The following LPAR6 variants were observed in gnomAD, a reference collection of about 807,000 sequenced individuals.
LPAR6 encodes the protein lysophosphatidic acid receptor 6, also known as G-protein coupled purinergic receptor P2Y5.
A neutral mutation model predicts 22.0 loss-of-function variants in LPAR6; 17 were observed. The ratio of observed to expected loss-of-function variants is 0.77; its 90% CI spans 0.53 to 1.16. The LOEUF is 1.16. LPAR6 is among the 50% of genes most tolerant of loss of function. The pLI, the probability that LPAR6 is intolerant of heterozygous loss-of-function variation, is 0.00. For synonymous variants in LPAR6, 136 were observed against 139.8 expected, an observed-to-expected ratio of 0.97 and a Z score of 0.19; for missense variants, 384 against 406.9, an observed-to-expected ratio of 0.94 and a Z score of 0.48.
intron 1 of LPAR6, among the ~76,000 whole-genome samples, chr13:48,436,759 A>C (rs1949188604): frequency 6.6e-6 from 1 of 152,228 alleles, no homozygotes; most frequent in African/African-American, 2.4e-5. Context: ...CAGAAAGGCC[A>C]AGGTCTGCCA....
chr13:48,416,840 C>T (rs1948919389), upstream of LPAR6, among the ~76,000 whole-genome samples: 1 of 152,098 alleles, frequency 6.6e-6, no homozygotes, highest in South Asian at 2.1e-4. Flanking sequence ...CTGGGTGGAG[C>T]CCACTGTAGC....
chr13:48,392,775 A>G (rs1443070528), intron 1 of LPAR6, among the ~76,000 whole-genome samples: 1 of 150,834 alleles, frequency 6.6e-6, no homozygotes, highest in African/African-American at 2.4e-5. Flanking sequence ...TCTTTTTTTT[A>G]AGAGTCGTAT....
In LPAR6 at chr13:48,411,624, G is replaced by T; in HGVS notation, c.800C>A (p.Ala267Glu). ...GATTGGGTACATTGTCCTTACTGCT[G>T]CCACTACTGAGCAATTAACAAATGT... Reference protein sequence around the residue: ...TQTFVNCSVVAAVRTMYPITL... With the variant: ...TQTFVNCSVVEAVRTMYPITL... Residue 267 changes from alanine to glutamate, a missense_variant, in exon 1 of 1, where the codon GCA becomes GAA. Transcript: ENST00000620633. The T allele has an allele frequency of 6.2e-7, 1 of 1,611,846 alleles. No homozygotes were observed. The highest frequency in any genetic ancestry group is 8.5e-7 in the Non-Finnish European group (1 of 1,178,106).
At position 48,412,168 on chromosome 13, in the gene LPAR6, C is replaced by T. The variant is rs200247168; in HGVS notation, c.256G>A (p.Asp86Asn). ...YFTTRNWPFG[D>N]LLCKISVMLF... is the part of the protein sequence containing the mutation. Reference sequence around the variant, plus strand: ...ATCACAGAAATCTTACAAAGTAAATCTCCAAATGGCCAATTCCGTGTTGTG... The same window carrying T: ...ATCACAGAAATCTTACAAAGTAAATTTCCAAATGGCCAATTCCGTGTTGTG... Residue 86 changes from aspartate (D) to asparagine (N), a missense_variant, in exon 1 of 1, where the codon GAT becomes AAT. Coordinates refer to ENST00000620633, the MANE Select transcript of LPAR6 (RefSeq NM_001162498.3). 1 of 1,614,010 alleles carries T rather than the reference C, an allele frequency of 6.2e-7. No homozygotes were observed. Among genetic ancestry groups the T allele is most frequent in the African/African-American group, 1.3e-5 (1 of 75,066 alleles).
intron 1 of LPAR6, among the ~76,000 whole-genome samples, chr13:48,432,934 C>T (rs899670368): frequency 6.6e-6 from 1 of 152,134 alleles, no homozygotes; most frequent in South Asian, 2.1e-4. Context: ...TCAGTCTTTG[C>T]TATTATGCTT....
intron 1 of LPAR6, among the ~76,000 whole-genome samples, chr13:48,399,317 G>C (rs905799942): frequency 6.6e-6 from 1 of 151,524 alleles, no homozygotes; most frequent in Non-Finnish European, 1.5e-5. Context: ...GACAAAGAAG[G>C]GAAAATAAAA....
At chr13:48,408,755 T>C (rs1264152707), downstream of LPAR6, 1 of 152,202 alleles carries the variant, frequency 6.6e-6, no homozygotes, top group Non-Finnish European at 1.5e-5. Context: ...AAACTTTTGA[T>C]TCATTTATCT....
At position 48,411,795 on chromosome 13, in the gene LPAR6, GT is replaced by G. The variant is rs756937301; in HGVS notation, c.628del (p.Thr210LeufsTer2). 6.2e-7 allele frequency: 1 copy of G among 1,612,786 alleles called. No individual in the cohort carries two copies. Among genetic ancestry groups the G allele is most frequent in the Non-Finnish European group, 8.5e-7 (1 of 1,178,948 alleles). On this transcript the variant is annotated frameshift_variant, in exon 1 of 1. Transcript: ENST00000620633. LOFTEE classifies it high-confidence loss of function. ...NVTCSSMVLK[T>X]LTKPVTLSRS... ...ACTTAATGTAACAGGTTTGGTTAAA[GT>G]TTTTAGCACCATACTAGAACAAGTT... is the stretch of plus-strand genomic sequence containing the variant.
intron 1 of LPAR6, among the ~76,000 whole-genome samples, chr13:48,400,117 A>G (rs1335729483): frequency 6.6e-6 from 1 of 152,108 alleles, no homozygotes; most frequent in Non-Finnish European, 1.5e-5. Flanking sequence ...AGTGCTCATC[A>G]CTTGCTTACT....
At chr13:48,393,040 T>G (rs1165653639) in intron 1 of LPAR6, among the ~76,000 whole-genome samples, 2 of 152,210 alleles carry the variant, frequency 1.3e-5, no homozygotes, top group African/African-American at 4.8e-5. Context: ...ATTGCTCTTC[T>G]GAGTACTCTA....
downstream of LPAR6, among the ~76,000 whole-genome samples, chr13:48,407,354 C>T (rs1948749561): frequency 6.6e-6 from 1 of 151,954 alleles, no homozygotes. Context: ...CTTTTGGGAG[C>T]AGGAAGACAG....
At position 48,411,910 on chromosome 13, in the gene LPAR6, A is replaced by T. The variant is rs766380591; in HGVS notation, c.514T>A (p.Phe172Ile). The change falls in exon 1 of 1, where the codon TTT becomes ATT. Residue 172 changes from phenylalanine (F) to isoleucine (I), a missense_variant. Phe to Ile is a conservative substitution (Grantham distance 21). Transcript: ENST00000620633. ...TATGTTTTCCATGTGGCTTCTGGAA[A>T]ATTTTCAAAGCAGGCTTCTGAGGCA... ...NNASEACFEN[F>I]PEATWKTYLS... is the part of the protein sequence containing the mutation. The T allele has an allele frequency of 6.2e-7, 1 of 1,613,328 alleles. No homozygotes were observed. The highest frequency in any genetic ancestry group is 8.5e-7 in the Non-Finnish European group (1 of 1,179,596).
rs577062706 is a variant in LPAR6, at chr13:48,421,193, C to G, written c.-954+1457G>C. Reference sequence around the variant, plus strand: ...ATTGGTACCAAAACAGATATATTGACCAATGGAACAGAAGAGAGGCCTCAG... The same window carrying G: ...ATTGGTACCAAAACAGATATATTGAGCAATGGAACAGAAGAGAGGCCTCAG... On this transcript the variant is annotated intron_variant, in intron 2 of 4. Transcript: ENST00000345941. Among the ~76,000 whole-genome samples the G allele has an allele frequency of 2.0e-5, 3 of 152,142 alleles. No individual in the cohort carries two copies. The South Asian group carries it at 6.2e-4, about 32-fold the overall frequency.
chr13:48,398,406 G>T (rs1287487403), intron 1 of LPAR6, among the ~76,000 whole-genome samples: 1 of 151,982 alleles, frequency 6.6e-6, no homozygotes, highest in Admixed American at 6.6e-5. Flanking sequence ...TGTTCTAAAT[G>T]CAACTTTGCT....
At chr13:48,399,959 C>T (rs764334332) in intron 1 of LPAR6, among the ~76,000 whole-genome samples, 3 of 152,004 alleles carry the variant, frequency 2.0e-5, no homozygotes, top group African/African-American at 4.8e-5. Flanking sequence ...CCACACCATC[C>T]ATATTATACA....
chr13:48,412,181 A>C lies in LPAR6; in HGVS notation c.243T>G (p.Asn81Lys). 1.2e-6 allele frequency: 2 copies of C among 1,614,060 alleles called. No individual in the cohort carries two copies. Among genetic ancestry groups the C allele is most frequent in the Non-Finnish European group, 1.7e-6 (2 of 1,179,998 alleles). The change falls in exon 1 of 1, where the codon AAT (asparagine) becomes AAG (lysine). Residue 81 changes from asparagine (N) to lysine (K), a missense_variant. Asn to Lys is a moderately conservative substitution (Grantham distance 94). Coordinates refer to ENST00000620633, the MANE Select transcript of LPAR6 (RefSeq NM_001162498.3). ...PFRIFYFTTR[N>K]WPFGDLLCKI... ...TACAAAGTAAATCTCCAAATGGCCA[A>C]TTCCGTGTTGTGAAGTAAAAAATCC...
At chr13:48,417,011 A>C (rs1258589074), upstream of LPAR6, among the ~76,000 whole-genome samples, 1 of 152,200 alleles carries the variant, frequency 6.6e-6, no homozygotes, top group East Asian at 1.9e-4. Flanking sequence ...CAGCAGACTT[A>C]AACGTTCCTG....
At chr13:48,431,809 C>T (rs952654939), upstream of LPAR6, among the ~76,000 whole-genome samples, 2 of 152,106 alleles carry the variant, frequency 1.3e-5, no homozygotes, top group African/African-American at 4.8e-5. Flanking sequence ...TTTGCCCTGG[C>T]CATATAAATA....
chr13:48,410,208 C>T (rs1948781172), downstream of LPAR6, among the ~76,000 whole-genome samples: 1 of 152,064 alleles, frequency 6.6e-6, no homozygotes, highest in Non-Finnish European at 1.5e-5. Context: ...GGTCAATGAC[C>T]GCATAAACGA....
Sources: allele counts gnomAD v4.1 joint callset (sites outside exome capture counted in the v4.1 genomes callset), GRCh38; gene constraint gnomAD v4.1.1; transcripts MANE v1.5; gene names NCBI Gene and HGNC (gene_info 2026-07-23, HGNC 2026-07-21).